Variants in RERE observed in about 807,000 individuals in gnomAD.
RERE encodes arginine-glutamic acid dipeptide repeats.
RERE carries 40 observed loss-of-function variants against 146.1 expected under a neutral mutation model. That is an observed-to-expected ratio of 0.27 (90% CI 0.21 to 0.36). The LOEUF (loss-of-function observed/expected upper bound fraction) is 0.36, where lower values mean the gene tolerates loss of function less well. RERE is among the 10% of genes least tolerant of loss of function. The pLI is 1.00. For missense variants in RERE, 1,933 were observed against 2,138.7 expected, an observed-to-expected ratio of 0.90 and a Z score of 1.90; for synonymous variants, 1,003 against 866.0, an observed-to-expected ratio of 1.16 and a Z score of -2.78.
chr1:8,612,017 GA>G (rs765857629), intron 4 of RERE, among the ~76,000 whole-genome samples: 6 of 152,176 alleles, frequency 3.9e-5, no homozygotes, highest in Non-Finnish European at 7.4e-5. Flanking sequence ...CCAGCAGATA[GA>G]AAAATGAACA....
intron 12 of RERE, among the ~76,000 whole-genome samples, chr1:8,386,022 A>ATATATATTTT (rs1186333936): frequency 3.8e-5 from 1 of 26,636 alleles, no homozygotes; most frequent in Non-Finnish European, 6.0e-5. Flanking sequence ...ATATATATAT[A>ATATATATTTT]TTTTTTTTTT....
intron 7 of RERE, among the ~76,000 whole-genome samples, chr1:8,519,349 T>C (rs1488461315): frequency 6.6e-6 from 1 of 152,050 alleles, no homozygotes; most frequent in African/African-American, 2.4e-5. Flanking sequence ...AGAGGATCAC[T>C]TGAGCCCAGG....
rs113349396 is a variant in RERE, at chr1:8,579,930, G to C, written c.523-22407C>G. Among the ~76,000 whole-genome samples the C allele has an allele frequency of 2.9e-3, 445 of 152,332 alleles. 2 individuals are homozygous for C. Among genetic ancestry groups the C allele is most frequent in the African/African-American group, 0.01 (424 of 41,586 alleles). On this transcript the variant is annotated intron_variant, in intron 4 of 22. Transcript: ENST00000400908. ...GAGACAGGAGAACTGCTTGACCCTG[G>C]GAGGTGGAGGTTGCAGTGAACTGAG... is the stretch of plus-strand genomic sequence containing the variant.
chr1:8,579,876 T>C (rs138064584), intron 4 of RERE, among the ~76,000 whole-genome samples: 569 of 152,224 alleles, frequency 3.7e-3, no homozygotes, highest in Middle Eastern at 0.027. Flanking sequence ...TGGTGGCGCA[T>C]GCCTGTAATC....
At chr1:8,399,115 TC>T (rs1643158943) in intron 12 of RERE, among the ~76,000 whole-genome samples, 1 of 152,022 alleles carries the variant, frequency 6.6e-6, no homozygotes, top group South Asian at 2.1e-4. Context: ...TACAAGTTCT[TC>T]ATGCATTCTA....
chr1:8,401,634 C>T (rs1162668415), intron 12 of RERE, among the ~76,000 whole-genome samples: 1 of 151,804 alleles, frequency 6.6e-6, no homozygotes, highest in Non-Finnish European at 1.5e-5. Context: ...GCATCATGCA[C>T]CTGCAGTCCC....
intron 10 of RERE, among the ~76,000 whole-genome samples, chr1:8,470,649 TC>T (rs2124145514): frequency 6.6e-6 from 1 of 152,100 alleles, no homozygotes; most frequent in African/African-American, 2.4e-5. Flanking sequence ...AACTGGCTGT[TC>T]TGGTGTGCCC....
At chr1:8,638,602 G>A (rs1001652031) in intron 2 of RERE, among the ~76,000 whole-genome samples, 2 of 152,024 alleles carry the variant, frequency 1.3e-5, no homozygotes, top group Admixed American at 6.6e-5. Flanking sequence ...ACAAAACTGC[G>A]AATAGCTTAA....
At position 8,364,880 on chromosome 1, in the gene RERE, T is replaced by C; in HGVS notation, c.1448-42A>G. 3.1e-6 allele frequency: 2 copies of C among 655,170 alleles called. No individual in the cohort carries two copies. Among genetic ancestry groups the C allele is most frequent in the Non-Finnish European group, 4.7e-6 (2 of 428,954 alleles). The allele number at this position is 655,170 out of a possible 1,614,324, so 40.6% of individuals were successfully genotyped here. ...CATAGTGGGGGTGGGGGAGACACCATCATGCTCAGCCAAGGCTGGGCCGGT... is the reference window on the plus strand; with the variant it reads ...CATAGTGGGGGTGGGGGAGACACCACCATGCTCAGCCAAGGCTGGGCCGGT... On this transcript the variant is annotated intron_variant, in intron 13 of 22. Transcript: ENST00000400908. The surrounding 1 kb of genome is among the most constrained non-coding windows in gnomAD (Gnocchi z 5.1).
Position 8,656,254 on chromosome 1 carries a change from C to T in RERE, c.44G>A (p.Arg15Gln), listed in dbSNP as rs557505469. ...KDKDKDKEKD[R>Q]DRDRDREREK... ...TCTCTCTCGGTCCCGGTCTCGGTCC[C>T]GGTCCTTCTCTTTGTCTTTGTCTTT... The change falls in exon 2 of 23, where the codon CGG (arginine) becomes CAG (glutamine). Residue 15 changes from arginine (R) to glutamine (Q), a missense_variant. Transcript: ENST00000400908. 1.3e-5 allele frequency: 21 copies of T among 1,613,176 alleles called. No homozygotes were observed. Among genetic ancestry groups the T allele is most frequent in the African/African-American group, 2.7e-5 (2 of 74,906 alleles).
At chr1:8,642,089 T>G (rs995063538) in intron 2 of RERE, among the ~76,000 whole-genome samples, 6 of 152,180 alleles carry the variant, frequency 3.9e-5, no homozygotes, top group African/African-American at 1.4e-4. Flanking sequence ...TTTAAATAAT[T>G]TTATAGTTGA....
chr1:8,697,947 G>A (rs1373657557), intron 1 of RERE, among the ~76,000 whole-genome samples: 1 of 152,124 alleles, frequency 6.6e-6, no homozygotes, highest in African/African-American at 2.4e-5. Flanking sequence ...GCCAAAGAAT[G>A]TCATCACACA....
In RERE at chr1:8,540,243, A is replaced by G. The variant is rs188119977; in HGVS notation, c.830+971T>C. ...CCTGAGTACCTGGGACCACAGGTGCAGCCCACCACGTCCAGTTAATTTTTA... is the reference window on the plus strand; with the variant it reads ...CCTGAGTACCTGGGACCACAGGTGCGGCCCACCACGTCCAGTTAATTTTTA... On this transcript the variant is annotated intron_variant, in intron 7 of 22. Coordinates refer to ENST00000400908, the MANE Select transcript of RERE (RefSeq NM_001042681.2). Among the ~76,000 whole-genome samples, 449 of 152,210 alleles carry G rather than the reference A, an allele frequency of 2.9e-3. 3 individuals are homozygous for G. Among genetic ancestry groups the G allele is most frequent in the African/African-American group, 0.01 (428 of 41,540 alleles).
In RERE at chr1:8,360,152, T is replaced by C. The variant is rs755568428; in HGVS notation, c.3355A>G (p.Thr1119Ala). Residue 1119 changes from threonine (T) to alanine (A), a missense_variant, in exon 18 of 23, where the codon ACT (threonine) becomes GCT (alanine). Physicochemically the swap from Thr to Ala is moderately conservative, Grantham distance 58 (BLOSUM62 0). This residue lies in a region of RERE where 1,255 missense variants were observed against 1,153.8 expected (regional missense o/e 1.09). Transcript: ENST00000400908. ...GCGTGACTGGGGGTGTCCACCACAG[T>C]GGGCTCCGGGGACGGGCTCCTTGGT... The part of the protein sequence containing the change: ...PPPRSPSPEP[T>A]VVDTPSHASQ... The C allele has an allele frequency of 6.3e-6, 10 of 1,596,562 alleles. No individual in the cohort carries two copies. The highest frequency in any genetic ancestry group is 7.7e-6 in the Non-Finnish European group (9 of 1,171,450).
chr1:8,592,461 C>T (rs1646507056), intron 4 of RERE, among the ~76,000 whole-genome samples: 2 of 151,962 alleles, frequency 1.3e-5, no homozygotes, highest in South Asian at 2.1e-4. Context: ...TTGTAGAGAT[C>T]GGGTTTCACC....
intron 2 of RERE, among the ~76,000 whole-genome samples, chr1:8,627,302 T>C (rs1034359996): frequency 6.6e-6 from 1 of 152,066 alleles, no homozygotes; most frequent in African/African-American, 2.4e-5. Flanking sequence ...ACCTTCCCCG[T>C]ACTCACCAAG....
chr1:8,594,345 T>A (rs1186486020), intron 4 of RERE, among the ~76,000 whole-genome samples: 1 of 152,164 alleles, frequency 6.6e-6, no homozygotes, highest in Admixed American at 6.5e-5. Context: ...CTGTAAATGA[T>A]CAGAGGTGTG....
intron 4 of RERE, among the ~76,000 whole-genome samples, chr1:8,598,596 C>G (rs1490649365): frequency 6.6e-6 from 1 of 152,212 alleles, no homozygotes; most frequent in East Asian, 1.9e-4. Context: ...ACAGAAACCA[C>G]ATCCAATGCT....
intron 10 of RERE, among the ~76,000 whole-genome samples, chr1:8,475,672 G>A (rs1238635033): frequency 3.3e-5 from 5 of 150,242 alleles, no homozygotes; most frequent in Admixed American, 2.0e-4. Flanking sequence ...AAAAGAGTGA[G>A]ACTCTGTCTC....
Sources: gnomAD v4.1 joint callset for allele counts (sites outside exome capture counted in the v4.1 genomes callset) on GRCh38, gnomAD v4.1.1 for gene constraint, gnomAD v4.1.1 regional missense constraint, Gnocchi (gnomAD v3.1) non-coding constraint, MANE v1.5 for transcripts, NCBI Gene and HGNC (gene_info 2026-07-23, HGNC 2026-07-21) for gene names.